MB21D2: variants seen among roughly 807,000 people sequenced by gnomAD.
The protein encoded by MB21D2 is Mab-21 domain containing 2.
In MB21D2, 9 loss-of-function variants were observed where a neutral mutation model predicts 33.3. The ratio of observed to expected loss-of-function variants is 0.27; its 90% CI spans 0.16 to 0.47. The LOEUF is 0.47. Among genes scored for constraint, MB21D2 ranks in the 20% least tolerant of loss-of-function variants. MB21D2 has a pLI of 0.99. For missense variants in MB21D2, 540 were observed against 624.6 expected (o/e 0.86, Z 1.44); for synonymous variants, 241 against 236.3 (o/e 1.02, Z -0.18).
chr3:192,904,532 T>G (rs1714167013), intron 1 of MB21D2, among the ~76,000 whole-genome samples: 1 of 151,494 alleles, frequency 6.6e-6, no homozygotes, highest in African/African-American at 2.5e-5. Flanking sequence ...TTGGCTGCGG[T>G]TCTTAAAGTG....
chr3:192,891,048 G>C (rs1288366768), intron 1 of MB21D2, among the ~76,000 whole-genome samples: 1 of 152,116 alleles, frequency 6.6e-6, no homozygotes, highest in African/African-American at 2.4e-5. Context: ...CCACGCAGGG[G>C]GAGACTTATT....
In MB21D2 at chr3:192,878,486, C is replaced by A. The variant is rs553580244; in HGVS notation, c.211+39144G>T. Reference sequence around the variant, plus strand: ...AGAATAAAGACTTATTCAGCAGCATCTTCTGGTCTAGTTTGCCCTTTCATG... The same window carrying A: ...AGAATAAAGACTTATTCAGCAGCATATTCTGGTCTAGTTTGCCCTTTCATG... On this transcript the variant is annotated intron_variant, in intron 1 of 1. Coordinates refer to ENST00000392452, the MANE Select transcript of MB21D2 (RefSeq NM_178496.4). 3.9e-5 allele frequency among the ~76,000 whole-genome samples: 6 copies of A among 152,312 alleles called. No homozygotes were observed. The South Asian group carries it at 1.2e-3, about 32-fold the overall frequency.
At chr3:192,902,912 G>A (rs1714135343) in intron 1 of MB21D2, among the ~76,000 whole-genome samples, 1 of 152,194 alleles carries the variant, frequency 6.6e-6, no homozygotes, top group African/African-American at 2.4e-5. Flanking sequence ...CAAAGCTGTG[G>A]AAACAGCACA....
rs146700219 is a variant in MB21D2 at position 192,895,188 on chromosome 3, G to A, written c.211+22442C>T. Among the ~76,000 whole-genome samples, 819 of 152,232 alleles carry A rather than the reference G, an allele frequency of 5.4e-3. 5 individuals are homozygous for A. Among genetic ancestry groups the A allele is most frequent in the African/African-American group, 0.019 (787 of 41,538 alleles). ...TCTTAATACCATTCCTTCTGGTCCA[G>A]TGCTCACCTCCTTCATTTCACCAGC... On this transcript the variant is annotated intron_variant, in intron 1 of 1. Transcript: ENST00000392452.
intron 1 of MB21D2, among the ~76,000 whole-genome samples, chr3:192,889,023 G>A (rs1298455050): frequency 6.6e-6 from 1 of 152,038 alleles, no homozygotes; most frequent in Non-Finnish European, 1.5e-5. Context: ...ATGACAGGGA[G>A]CCAGCCACTG....
intron 1 of MB21D2, among the ~76,000 whole-genome samples, chr3:192,886,955 C>A (rs527937011): frequency 6.6e-6 from 1 of 151,448 alleles, no homozygotes; most frequent in East Asian, 1.9e-4. Context: ...ACAAAGTCTT[C>A]ATTTAAAATC....
intron 1 of MB21D2, among the ~76,000 whole-genome samples, chr3:192,828,052 T>A (rs1712215226): frequency 1.3e-5 from 2 of 152,212 alleles, no homozygotes; most frequent in Admixed American, 1.3e-4. Flanking sequence ...TCTGCCGCCA[T>A]ATAAGACATA....
intron 1 of MB21D2, among the ~76,000 whole-genome samples, chr3:192,828,350 C>A (rs1461307607): frequency 6.6e-6 from 1 of 151,390 alleles, no homozygotes; most frequent in African/African-American, 2.4e-5. Flanking sequence ...TGAAGATCAG[C>A]ACTTGAGTCC....
chr3:192,865,427 AG>A (rs1487580160), intron 1 of MB21D2, among the ~76,000 whole-genome samples: 1 of 152,194 alleles, frequency 6.6e-6, no homozygotes, highest in African/African-American at 2.4e-5. Flanking sequence ...TGTATATTGG[AG>A]AAATGGTTCA....
rs924087796 is a variant in MB21D2, at chr3:192,814,848, G to A, written c.212-15198C>T. 2.1e-5 allele frequency among the ~76,000 whole-genome samples: 3 copies of A among 142,708 alleles called. No homozygotes were observed. The East Asian group carries it at 6.1e-4, about 29-fold the overall frequency. The allele number at this position is 142,708 out of a possible 152,430, so 93.6% of individuals were successfully genotyped here. ...CCACTGCATTCCAGCCTGGGCGACAGAGCGAGACTCCATCCCAAAAAAAAA... is the reference window on the plus strand; with the variant it reads ...CCACTGCATTCCAGCCTGGGCGACAAAGCGAGACTCCATCCCAAAAAAAAA... On this transcript the variant is annotated intron_variant, in intron 1 of 1. Coordinates refer to ENST00000392452, the MANE Select transcript of MB21D2 (RefSeq NM_178496.4).
In MB21D2 at chr3:192,917,784, CTTG is replaced by C. The variant is rs766721740; in HGVS notation, c.54_56del (p.Asn18del). ...TGAAATCCAGCTCCGGGAACGCAGG[CTTG>C]TTGTTACAGCCCAGGGAGGCTGCCT... On this transcript the variant is annotated inframe_deletion, in exon 1 of 2. Transcript: ENST00000392452. 8.7e-6 allele frequency: 14 copies of C among 1,613,658 alleles called. No homozygotes were observed. Among genetic ancestry groups the C allele is most frequent in the South Asian group, 6.6e-5 (6 of 91,042 alleles).
intron 1 of MB21D2, among the ~76,000 whole-genome samples, chr3:192,898,438 T>A (rs1479301062): frequency 6.6e-6 from 1 of 152,164 alleles, no homozygotes; most frequent in Non-Finnish European, 1.5e-5. Context: ...GATGTCAGTC[T>A]TATAATTTCA....
chr3:192,886,206 C>G (rs1713730308), intron 1 of MB21D2, among the ~76,000 whole-genome samples: 1 of 152,130 alleles, frequency 6.6e-6, no homozygotes, highest in Non-Finnish European at 1.5e-5. Context: ...GATCCACTCG[C>G]CTTGGCCTCC....
At chr3:192,821,790 T>C (rs1398092182) in intron 1 of MB21D2, among the ~76,000 whole-genome samples, 2 of 152,164 alleles carry the variant, frequency 1.3e-5, no homozygotes, top group Non-Finnish European at 2.9e-5. Context: ...AGTGCCATGA[T>C]GGGCCGTCAG....
intron 1 of MB21D2, among the ~76,000 whole-genome samples, chr3:192,849,567 C>T (rs555327251): frequency 6.6e-6 from 1 of 152,154 alleles, no homozygotes; most frequent in African/African-American, 2.4e-5. Context: ...CTACCTGCCT[C>T]GGCCTCCCAG....
At chr3:192,813,455 A>G (rs1397052050) in intron 1 of MB21D2, among the ~76,000 whole-genome samples, 1 of 152,142 alleles carries the variant, frequency 6.6e-6, no homozygotes, top group Non-Finnish European at 1.5e-5. Context: ...TACATTGAAG[A>G]CTTCAGGAGC....
intron 1 of MB21D2, among the ~76,000 whole-genome samples, chr3:192,915,868 T>C (rs893357458): frequency 6.6e-6 from 1 of 152,064 alleles, no homozygotes; most frequent in African/African-American, 2.4e-5. Flanking sequence ...AGTACCTTCT[T>C]CTAGTAAATG....
chr3:192,862,707 G>A (rs186356180), intron 1 of MB21D2, among the ~76,000 whole-genome samples: 3 of 152,202 alleles, frequency 2.0e-5, no homozygotes, highest in African/African-American at 7.2e-5. Context: ...ACACTTAAGA[G>A]AAAAGGGAAA....
Position 192,884,574 on chromosome 3 carries a change from A to G in MB21D2, c.211+33056T>C, listed in dbSNP as rs188778688. 5.3e-4 allele frequency among the ~76,000 whole-genome samples: 81 copies of G among 152,090 alleles called. 1 individual carries two copies. The highest frequency in any genetic ancestry group is 1.5e-3 in the South Asian group (7 of 4,826). Reference sequence around the variant, plus strand: ...AGTAGAGACGGGGTTTCACCGTGTTAGCCAGGATGGTCTTGATCTCCTGAC... The same window carrying G: ...AGTAGAGACGGGGTTTCACCGTGTTGGCCAGGATGGTCTTGATCTCCTGAC... On this transcript the variant is annotated intron_variant, in intron 1 of 1. Coordinates refer to ENST00000392452, the MANE Select transcript of MB21D2 (RefSeq NM_178496.4).
Sources: gnomAD v4.1 joint callset for allele counts (sites outside exome capture counted in the v4.1 genomes callset) on GRCh38, gnomAD v4.1.1 for gene constraint, MANE v1.5 for transcripts, NCBI Gene and HGNC (gene_info 2026-07-23, HGNC 2026-07-21) for gene names.